SIAH1: variants seen among roughly 807,000 people sequenced by gnomAD.
SIAH1 encodes E3 ubiquitin-protein ligase SIAH1.
In SIAH1, 2 loss-of-function variants were observed where a neutral mutation model predicts 20.0. The ratio of observed to expected loss-of-function variants is 0.10; its 90% CI spans 0.04 to 0.31. The LOEUF (loss-of-function observed/expected upper bound fraction) is 0.31. Among genes scored for constraint, SIAH1 ranks in the 10% least tolerant of loss-of-function variants. SIAH1 has a pLI of 1.00. For missense variants in SIAH1, 119 were observed against 355.3 expected, an observed-to-expected ratio of 0.33 and a Z score of 5.35; for synonymous variants, 118 against 125.3, an observed-to-expected ratio of 0.94 and a Z score of 0.39.
chr16:48,376,922 A>G (rs1193803146), intron 1 of SIAH1, among the ~76,000 whole-genome samples: 1 of 152,230 alleles, frequency 6.6e-6, no homozygotes, highest in Non-Finnish European at 1.5e-5. Context: ...GAAGTTTTTA[A>G]CAGGGAGAGG....
At chr16:48,371,197 G>C (rs7186777) in intron 1 of SIAH1, among the ~76,000 whole-genome samples, 31,077 of 151,684 alleles carry the variant, frequency 0.2, 3,911 homozygotes, top group African/African-American at 0.35. Context: ...GGGAGGATCA[G>C]GTGAGCCCAA....
chr16:48,378,066 T>C (rs573366385), intron 1 of SIAH1, among the ~76,000 whole-genome samples: 1 of 151,210 alleles, frequency 6.6e-6, no homozygotes, highest in African/African-American at 2.4e-5. Flanking sequence ...AATGAAAGAG[T>C]ACAGGCCGGG....
chr16:48,365,997 C>A (rs1010409465), intron 1 of SIAH1: 1 of 901,836 alleles, frequency 1.1e-6, no homozygotes, highest in Non-Finnish European at 1.4e-6. Flanking sequence ...GCGCGCGGCG[C>A]ACAGGGCGAT....
Position 48,361,376 on chromosome 16 carries a change from G to T in SIAH1, c.*204C>A. On this transcript the variant is annotated 3_prime_UTR_variant, in exon 2 of 2. Coordinates refer to ENST00000394725, the MANE Select transcript of SIAH1 (RefSeq NM_003031.4). The stretch of plus-strand genomic sequence containing the variant: ...GGGTGTATATACATATATTTTTTCA[G>T]TGGTTTACTGTTGACTTATTTTTAA... 1 of 537,188 alleles carries T rather than the reference G, an allele frequency of 1.9e-6. No individual in the cohort carries two copies. The highest frequency in any genetic ancestry group is 2.4e-5 in the South Asian group (1 of 41,210). The allele number at this position is 537,188 out of a possible 1,614,324, so 33.3% of individuals were successfully genotyped here.
At chr16:48,372,320 G>C (rs1961006454) in intron 1 of SIAH1, among the ~76,000 whole-genome samples, 1 of 152,140 alleles carries the variant, frequency 6.6e-6, no homozygotes, top group Non-Finnish European at 1.5e-5. Context: ...AGTACCACCT[G>C]AAACTCCAGG....
intron 1 of SIAH1, among the ~76,000 whole-genome samples, chr16:48,367,185 C>T (rs1267190759): frequency 6.6e-6 from 1 of 152,212 alleles, no homozygotes; most frequent in African/African-American, 2.4e-5. Context: ...TGTGCCCAGT[C>T]TATATTTTTA....
chr16:48,379,725 G>C (rs1218274991), intron 1 of SIAH1, among the ~76,000 whole-genome samples: 1 of 152,216 alleles, frequency 6.6e-6, no homozygotes, highest in East Asian at 1.9e-4. Context: ...GGACCGAGCA[G>C]AGTGCTATGG....
intron 1 of SIAH1, among the ~76,000 whole-genome samples, chr16:48,375,408 G>C (rs1358643853): frequency 6.6e-6 from 1 of 152,224 alleles, no homozygotes; most frequent in Non-Finnish European, 1.5e-5. Flanking sequence ...GGGAGGCTGA[G>C]ACAGGTGGAT....
intron 1 of SIAH1, among the ~76,000 whole-genome samples, chr16:48,379,944 C>T (rs1434307038): frequency 2.0e-5 from 3 of 152,080 alleles, no homozygotes; most frequent in Non-Finnish European, 4.4e-5. Context: ...ACACTGAAAG[C>T]CTTTTAAGTC....
At chr16:48,368,471 G>A (rs1333758921) in intron 1 of SIAH1, among the ~76,000 whole-genome samples, 1 of 152,236 alleles carries the variant, frequency 6.6e-6, no homozygotes, top group East Asian at 1.9e-4. Flanking sequence ...CAAGGCAGGT[G>A]GATCACCTGA....
intron 1 of SIAH1, among the ~76,000 whole-genome samples, chr16:48,382,198 G>A (rs1053800480): frequency 1.3e-5 from 2 of 151,968 alleles, no homozygotes; most frequent in Admixed American, 1.3e-4. Context: ...GCAAGATGGC[G>A]AGACCTGACC....
At chr16:48,370,876 G>A (rs1960967414) in intron 1 of SIAH1, among the ~76,000 whole-genome samples, 1 of 151,810 alleles carries the variant, frequency 6.6e-6, no homozygotes, top group African/African-American at 2.4e-5. Context: ...ACTTTGGGAA[G>A]CCAAGGCTGG....
chr16:48,371,114 CAAAAAAA>C (rs11342599), intron 1 of SIAH1, among the ~76,000 whole-genome samples: 3 of 111,396 alleles, frequency 2.7e-5, no homozygotes, highest in Admixed American at 9.1e-5. Flanking sequence ...AATTCCATCT[CAAAAAAA>C]AAAAAAAAAA....
intron 1 of SIAH1, chr16:48,365,848 G>C: frequency 8.0e-7 from 1 of 1,250,610 alleles, no homozygotes; most frequent in Non-Finnish European, 1.0e-6. Context: ...CGCTGGCTGA[G>C]AAGGAAGTGC....
intron 1 of SIAH1, chr16:48,365,540 C>T (rs978552117): frequency 6.4e-7 from 1 of 1,571,774 alleles, no homozygotes; most frequent in Non-Finnish European, 8.6e-7. Flanking sequence ...CTCCTGGGCT[C>T]TTTCTGCTCC....
intron 1 of SIAH1, among the ~76,000 whole-genome samples, chr16:48,377,390 CTT>C (rs774317002): frequency 1.4e-4 from 19 of 132,066 alleles, no homozygotes; most frequent in East Asian, 2.1e-4. Context: ...TTCTGGAAGA[CTT>C]TTTTTTTTTT....
intron 1 of SIAH1, among the ~76,000 whole-genome samples, chr16:48,382,465 C>T (rs1388895124): frequency 1.3e-5 from 2 of 152,138 alleles, no homozygotes; most frequent in African/African-American, 4.8e-5. Context: ...ACCTACTGAG[C>T]ACTAGGTACT....
At chr16:48,380,692 G>T (rs796142427) in intron 1 of SIAH1, among the ~76,000 whole-genome samples, 1 of 151,944 alleles carries the variant, frequency 6.6e-6, no homozygotes, top group African/African-American at 2.4e-5. Flanking sequence ...GGGAGGCCGA[G>T]GTGGGCGAAT....
chr16:48,386,039 C>A (rs1383799324), upstream of SIAH1, among the ~76,000 whole-genome samples: 2 of 152,162 alleles, frequency 1.3e-5, no homozygotes, highest in East Asian at 3.9e-4. Flanking sequence ...GGGAAGCACG[C>A]GTTTTCCTGT....
Sources: allele counts gnomAD v4.1 joint callset (sites outside exome capture counted in the v4.1 genomes callset), GRCh38; gene constraint gnomAD v4.1.1; transcripts MANE v1.5; gene names NCBI Gene and HGNC (gene_info 2026-07-23, HGNC 2026-07-21).